The following JARID2 variants were observed in gnomAD, a reference collection of about 807,000 sequenced individuals.
JARID2 encodes protein Jumonji.
JARID2 carries 21 observed loss-of-function variants against 125.6 expected under a neutral mutation model. The ratio of observed to expected loss-of-function variants is 0.17; its 90% CI spans 0.12 to 0.24. JARID2 has a LOEUF of 0.24. Among genes scored for constraint, JARID2 ranks in the 10% least tolerant of loss-of-function variants. JARID2 has a pLI of 1.00. For missense variants in JARID2, 1,303 were observed against 1,639.6 expected (o/e 0.79, Z 3.55); for synonymous variants, 736 against 661.6 (o/e 1.11, Z -1.73).
intron 11 of JARID2, among the ~76,000 whole-genome samples, 165 bp from the exon 12 acceptor site, chr6:15,508,175 A>G (rs2127757733): frequency 6.6e-6 from 1 of 152,352 alleles, no homozygotes; most frequent in East Asian, 1.9e-4. Context: ...TCTGTAGAGC[A>G]AGCAGGAAAG....
chr6:15,369,337 A>G (rs1432024285), intron 1 of JARID2: 1 of 458,262 alleles, frequency 2.2e-6, no homozygotes, highest in Admixed American at 2.3e-5. Context: ...ACCATATACA[A>G]GTTTGATTCC....
At chr6:15,417,481 T>C (rs994360943) in intron 3 of JARID2, among the ~76,000 whole-genome samples, 1 of 152,226 alleles carries the variant, frequency 6.6e-6, no homozygotes, top group Non-Finnish European at 1.5e-5. Flanking sequence ...CTCACACCTA[T>C]AACCCCAGCA....
intron 1 of JARID2, among the ~76,000 whole-genome samples, chr6:15,366,517 G>C (rs1349074291): frequency 3.1e-5 from 4 of 130,950 alleles, no homozygotes; most frequent in Non-Finnish European, 4.8e-5. Context: ...GGCGGGGGGG[G>C]CGGGGGGGGT....
intron 1 of JARID2, among the ~76,000 whole-genome samples, chr6:15,251,411 A>G (rs1456198814): frequency 6.6e-6 from 1 of 152,154 alleles, no homozygotes; most frequent in Non-Finnish European, 1.5e-5. Flanking sequence ...CATTGCTCTG[A>G]TCATCCTGAT....
chr6:15,250,007 A>G lies in JARID2; in HGVS notation c.45+3423A>G, dbSNP rs1337886828. On this transcript the variant is annotated intron_variant, in intron 1 of 17. Transcript: ENST00000341776. ...GTTATTCCTAGGGAGAATAACAGAT[A>G]GGATACTGGGGCTTCACCACTATTT... Among the ~76,000 whole-genome samples, 3 of 152,346 alleles carry G rather than the reference A, an allele frequency of 2.0e-5. No homozygotes were observed. The East Asian group carries it at 5.8e-4, about 29-fold the overall frequency.
chr6:15,503,802 G>T (rs1413802992), intron 8 of JARID2, among the ~76,000 whole-genome samples: 1 of 152,228 alleles, frequency 6.6e-6, no homozygotes, highest in Non-Finnish European at 1.5e-5. Flanking sequence ...CACATTTCGT[G>T]TGGTAGGTAA....
At chr6:15,377,988 G>A (rs1764427884) in intron 2 of JARID2, among the ~76,000 whole-genome samples, 1 of 150,880 alleles carries the variant, frequency 6.6e-6, no homozygotes, top group Admixed American at 6.6e-5. Context: ...GGGTTCAAGT[G>A]ATTGTCCTGC....
chr6:15,332,747 A>G (rs1474992092), intron 1 of JARID2, among the ~76,000 whole-genome samples: 2 of 151,526 alleles, frequency 1.3e-5, no homozygotes, highest in East Asian at 1.9e-4. Flanking sequence ...AAAGAGAACA[A>G]TTTTTTTGTG....
chr6:15,326,847 C>A (rs902807450), intron 1 of JARID2, among the ~76,000 whole-genome samples: 11 of 152,200 alleles, frequency 7.2e-5, no homozygotes, highest in Admixed American at 2.6e-4. Flanking sequence ...AGAAAACATA[C>A]CCATGATAAT....
At chr6:15,451,242 TTGAAATGTACTC>T (rs1767907961) in intron 3 of JARID2, among the ~76,000 whole-genome samples, 1 of 152,222 alleles carries the variant, frequency 6.6e-6, no homozygotes, top group African/African-American at 2.4e-5. Context: ...GTGAAAGGAA[TTGAAATGTACTC>T]TGTAGTTAAC....
chr6:15,365,407 C>G (rs1763939030), intron 1 of JARID2, among the ~76,000 whole-genome samples: 1 of 152,122 alleles, frequency 6.6e-6, no homozygotes, highest in South Asian at 2.1e-4. Context: ...CTGACTGCAC[C>G]CTTTAACCAT....
chr6:15,445,929 C>T (rs1297719041), intron 3 of JARID2, among the ~76,000 whole-genome samples: 4 of 152,126 alleles, frequency 2.6e-5, no homozygotes, highest in East Asian at 1.9e-4. Flanking sequence ...TTATTCTTAA[C>T]GAAACTGAAT....
rs780061509 is a variant in JARID2, at chr6:15,496,466, A to T, written c.1241A>T (p.Asn414Ile). The T allele has an allele frequency of 1.2e-6, 2 of 1,612,582 alleles. No individual in the cohort carries two copies. The highest frequency in any genetic ancestry group is 2.2e-5 in the South Asian group (2 of 90,978). Residue 414 changes from asparagine (N) to isoleucine (I), a missense_variant, in exon 7 of 18, where the codon AAC becomes ATC. Around this residue, in one of 11 missense-constraint regions of JARID2, gnomAD observed 651 missense variants for 581.6 expected, o/e 1.12. Coordinates refer to ENST00000341776, the MANE Select transcript of JARID2 (RefSeq NM_004973.4). ...GGCCTCAAGGTCAGTGGCAGGTTGA[A>T]CCCAAAGTCATGCACTAAGGAGGTG... Reference protein sequence around the residue: ...VNGLKVSGRLNPKSCTKEVGG... With the variant: ...VNGLKVSGRLIPKSCTKEVGG...
At chr6:15,392,227 T>A (rs949584639) in intron 2 of JARID2, among the ~76,000 whole-genome samples, 1 of 152,182 alleles carries the variant, frequency 6.6e-6, no homozygotes, top group African/African-American at 2.4e-5. Context: ...AATCACCCTT[T>A]GGGATATTCG....
At chr6:15,246,858 G>A (rs1204066128) in intron 1 of JARID2, among the ~76,000 whole-genome samples, 1 of 152,188 alleles carries the variant, frequency 6.6e-6, no homozygotes, top group African/African-American at 2.4e-5. Context: ...GGATTTTGGT[G>A]GAGCTTGAGG....
In JARID2 at chr6:15,499,416, G is replaced by A. The variant is rs73724420; in HGVS notation, c.1946-1491G>A. Among the ~76,000 whole-genome samples the A allele has an allele frequency of 3.3e-3, 504 of 152,284 alleles. 1 individual carries two copies. Among genetic ancestry groups the A allele is most frequent in the African/African-American group, 0.012 (488 of 41,546 alleles). ...GATGAGGATTCCATGAAGAATTCTT[G>A]CAAGCGCTGTGTGATTTTCAGGTGC... On this transcript the variant is annotated intron_variant, in intron 7 of 17. Transcript: ENST00000341776.
At position 15,366,730 on chromosome 6, in the gene JARID2, T is replaced by C. The variant is rs568262707; in HGVS notation, c.46-7387T>C. 2.3e-3 allele frequency among the ~76,000 whole-genome samples: 354 copies of C among 152,298 alleles called. 2 individuals are homozygous for C. The highest frequency in any genetic ancestry group is 8.1e-3 in the African/African-American group (335 of 41,566). On this transcript the variant is annotated intron_variant, in intron 1 of 17. Transcript: ENST00000341776. ...GGGTTGTGAAGAGCCTTTGATGTCC[T>C]GTGCCCCTGCCCAGTGGAAGCAGGA...
chr6:15,324,991 C>T (rs1193751047), intron 1 of JARID2, among the ~76,000 whole-genome samples: 1 of 152,076 alleles, frequency 6.6e-6, no homozygotes, highest in Non-Finnish European at 1.5e-5. Context: ...AAATCCCTTG[C>T]TGGAGGAGAT....
chr6:15,433,968 G>C (rs1430387933), intron 3 of JARID2, among the ~76,000 whole-genome samples: 3 of 141,292 alleles, frequency 2.1e-5, no homozygotes, highest in Admixed American at 7.0e-5. Context: ...GTGTGTGTGT[G>C]TGTCAGGAGT....
Sources: allele counts gnomAD v4.1 joint callset (sites outside exome capture counted in the v4.1 genomes callset), GRCh38; gene constraint gnomAD v4.1.1; regional missense constraint gnomAD v4.1.1; transcripts MANE v1.5; gene names NCBI Gene and HGNC (gene_info 2026-07-23, HGNC 2026-07-21).